Variants in PDE7B observed in about 807,000 individuals in gnomAD.
The protein encoded by PDE7B is phosphodiesterase 7B.
Under a neutral mutation model 56.2 loss-of-function variants are expected in PDE7B, and 29 were observed. That is an observed-to-expected ratio of 0.52 (90% confidence interval 0.38 to 0.70). The LOEUF (loss-of-function observed/expected upper bound fraction) is 0.70, where lower values mean the gene tolerates loss of function less well. Among genes scored for constraint, PDE7B ranks in the 30% least tolerant of loss-of-function variants. The probability of loss-of-function intolerance (pLI) is 0.00; values close to 1 mark genes in which losing one functional copy is unlikely to be tolerated. For missense variants in PDE7B, 490 were observed against 565.0 expected (o/e 0.87, Z 1.35); for synonymous variants, 197 against 196.9 (o/e 1.00, Z 0.00).
intron 2 of PDE7B, among the ~76,000 whole-genome samples, chr6:135,953,965 C>T (rs567784748): frequency 6.6e-5 from 10 of 152,170 alleles, no homozygotes; most frequent in Non-Finnish European, 1.5e-4. Flanking sequence ...AATTCACTCT[C>T]TCTATATGCG....
intron 11 of PDE7B, among the ~76,000 whole-genome samples, chr6:136,185,748 G>A (rs1193150087): frequency 1.3e-5 from 2 of 152,076 alleles, no homozygotes; most frequent in Non-Finnish European, 2.9e-5. Flanking sequence ...CTGGGTGACA[G>A]AGTAAGAGCC....
intron 2 of PDE7B, chr6:136,049,423 A>G (rs1161822621): frequency 6.6e-6 from 1 of 151,886 alleles, no homozygotes; most frequent in East Asian, 1.9e-4. Flanking sequence ...CTAAGCAAAC[A>G]GTTCTTCCCA....
At chr6:136,052,597 G>C (rs1776649276) in intron 2 of PDE7B, among the ~76,000 whole-genome samples, 1 of 150,954 alleles carries the variant, frequency 6.6e-6, no homozygotes, top group Non-Finnish European at 1.5e-5. Flanking sequence ...GTTCTTGTGG[G>C]TGTATAAAGT....
At chr6:136,091,191 A>G (rs535192840) in intron 2 of PDE7B, among the ~76,000 whole-genome samples, 2 of 152,334 alleles carry the variant, frequency 1.3e-5, no homozygotes, top group East Asian at 3.9e-4. Context: ...AACTGTAAAA[A>G]ATATGCCCAG....
intron 8 of PDE7B, among the ~76,000 whole-genome samples, chr6:136,164,505 C>A (rs2128448986): frequency 6.6e-6 from 1 of 152,308 alleles, no homozygotes; most frequent in African/African-American, 2.4e-5. Flanking sequence ...CCATCCATCT[C>A]ATAAACAGAC....
chr6:136,109,247 G>T (rs1353167383), intron 3 of PDE7B, among the ~76,000 whole-genome samples: 1 of 152,174 alleles, frequency 6.6e-6, no homozygotes. Flanking sequence ...GCTGAGGTGA[G>T]AGAATAGCTT....
At chr6:135,984,238 C>A (rs1384139368) in intron 2 of PDE7B, among the ~76,000 whole-genome samples, 3 of 152,122 alleles carry the variant, frequency 2.0e-5, no homozygotes, top group African/African-American at 7.2e-5. Context: ...CCTAAGACAT[C>A]GAAGTTATTC....
intron 3 of PDE7B, among the ~76,000 whole-genome samples, chr6:136,132,660 C>T (rs1468493740): frequency 1.3e-5 from 2 of 152,132 alleles, no homozygotes; most frequent in Non-Finnish European, 2.9e-5. Flanking sequence ...ACCCTAGCCT[C>T]GTATGGATTG....
chr6:135,965,255 C>T (rs140852100), intron 2 of PDE7B, among the ~76,000 whole-genome samples: 347 of 152,120 alleles, frequency 2.3e-3, no homozygotes, highest in Non-Finnish European at 3.9e-3. Flanking sequence ...GTGGTAGAGG[C>T]GGAGGTGAGG....
At chr6:135,972,255 A>C (rs969797351) in intron 2 of PDE7B, among the ~76,000 whole-genome samples, 2 of 150,980 alleles carry the variant, frequency 1.3e-5, no homozygotes, top group East Asian at 1.9e-4. Flanking sequence ...AAAAAAAAAA[A>C]AAAAAACCCA....
chr6:136,059,924 G>A (rs1006004331), intron 2 of PDE7B, among the ~76,000 whole-genome samples: 3 of 152,152 alleles, frequency 2.0e-5, no homozygotes, highest in Non-Finnish European at 4.4e-5. Context: ...CCTGAACTCT[G>A]CCAAGCTTGG....
chr6:136,088,353 A>G (rs1328577401), intron 2 of PDE7B, among the ~76,000 whole-genome samples: 1 of 152,212 alleles, frequency 6.6e-6, no homozygotes, highest in Non-Finnish European at 1.5e-5. Flanking sequence ...ATTATAGACA[A>G]CTTCTGCAGA....
intron 2 of PDE7B, among the ~76,000 whole-genome samples, chr6:136,010,868 A>T (rs1187320237): frequency 6.6e-6 from 1 of 152,112 alleles, no homozygotes; most frequent in Non-Finnish European, 1.5e-5. Flanking sequence ...CAGAGAAATA[A>T]GTCTGAGTTC....
intron 1 of PDE7B, among the ~76,000 whole-genome samples, chr6:135,871,599 A>G (rs766381659): frequency 3.3e-5 from 5 of 152,198 alleles, no homozygotes; most frequent in Non-Finnish European, 5.9e-5. Flanking sequence ...ATAAATGTTG[A>G]ATTGAGAAAA....
intron 1 of PDE7B, among the ~76,000 whole-genome samples, chr6:135,909,631 T>C (rs80308360): frequency 0.021 from 3,134 of 152,072 alleles, 105 homozygotes; most frequent in African/African-American, 0.071. Flanking sequence ...AATAAATAAA[T>C]AAATAAATAT....
At chr6:136,009,894 A>G (rs940048374) in intron 2 of PDE7B, among the ~76,000 whole-genome samples, 2 of 152,134 alleles carry the variant, frequency 1.3e-5, no homozygotes, top group Non-Finnish European at 2.9e-5. Context: ...TTTTCAAAAA[A>G]CTAACTCCTG....
intron 2 of PDE7B, among the ~76,000 whole-genome samples, chr6:135,984,550 C>T (rs751116646): frequency 2.0e-5 from 3 of 152,112 alleles, no homozygotes; most frequent in Admixed American, 6.5e-5. Context: ...CAATGTCTCA[C>T]GTGGCACATG....
intron 1 of PDE7B, among the ~76,000 whole-genome samples, chr6:135,944,429 C>T (rs1027928511): frequency 8.6e-5 from 13 of 151,894 alleles, no homozygotes; most frequent in African/African-American, 3.1e-4. Flanking sequence ...TGAGAACAAT[C>T]AGATTCCCTC....
In PDE7B at chr6:136,147,370, G is replaced by A. The variant is rs776312140; in HGVS notation, c.186G>A (p.Glu62=). The A allele has an allele frequency of 1.2e-6, 2 of 1,612,748 alleles. No individual in the cohort carries two copies. The highest frequency in any genetic ancestry group is 1.7e-6 in the Non-Finnish European group (2 of 1,178,896). ...RLLNSTTYSG[E]IGTKKKVKRL... Reference sequence around the variant, plus strand: ...CCACAGGTACAACATACTCAGGGGAGATTGGCACCAAGAAAAAGGTGAAAA... The same window carrying A: ...CCACAGGTACAACATACTCAGGGGAAATTGGCACCAAGAAAAAGGTGAAAA... The change falls in exon 4 of 13, where the codon GAG becomes GAA. Residue 62 remains glutamate (E), a synonymous_variant. Coordinates refer to ENST00000308191, the MANE Select transcript of PDE7B (RefSeq NM_018945.4).
Sources: gnomAD v4.1 joint callset for allele counts (sites outside exome capture counted in the v4.1 genomes callset) on GRCh38, gnomAD v4.1.1 for gene constraint, MANE v1.5 for transcripts, NCBI Gene and HGNC (gene_info 2026-07-23, HGNC 2026-07-21) for gene names.